Variants in REPS1 observed in about 807,000 individuals in gnomAD.
The protein encoded by REPS1 is RALBP1 associated Eps domain containing 1.
In REPS1, 39 loss-of-function variants were observed where a neutral mutation model predicts 100.9. The ratio of observed to expected loss-of-function variants is 0.39; its 90% CI spans 0.30 to 0.50. The LOEUF (loss-of-function observed/expected upper bound fraction) is 0.50. Among genes scored for constraint, REPS1 ranks in the 20% least tolerant of loss-of-function variants. The probability of loss-of-function intolerance (pLI) is 0.86; values close to 1 mark genes in which losing one functional copy is unlikely to be tolerated. For missense variants in REPS1, 821 were observed against 968.5 expected (o/e 0.85, Z 2.02); for synonymous variants, 324 against 340.3 (o/e 0.95, Z 0.53).
chr6:138,985,440 A>G (rs1785203258), intron 1 of REPS1, among the ~76,000 whole-genome samples: 1 of 152,214 alleles, frequency 6.6e-6, no homozygotes, highest in South Asian at 2.1e-4. Context: ...ACTAAGCATT[A>G]GATATGAGCT....
At chr6:138,968,598 G>A (rs1341136252) in intron 1 of REPS1, among the ~76,000 whole-genome samples, 2 of 152,076 alleles carry the variant, frequency 1.3e-5, no homozygotes, top group East Asian at 1.9e-4. Flanking sequence ...GCACTATTAT[G>A]TACTTAGTAT....
At chr6:138,956,612 C>T (rs1225726179) in intron 1 of REPS1, among the ~76,000 whole-genome samples, 1 of 152,060 alleles carries the variant, frequency 6.6e-6, no homozygotes, top group Non-Finnish European at 1.5e-5. Flanking sequence ...GAGCACCTGA[C>T]CCACCCCACC....
intron 1 of REPS1, among the ~76,000 whole-genome samples, chr6:138,952,109 T>C (rs1210876787): frequency 6.6e-6 from 1 of 152,156 alleles, no homozygotes; most frequent in East Asian, 1.9e-4. Context: ...TGTTATAAAA[T>C]GTACATGCTC....
At chr6:138,933,556 C>T (rs1443181929) in intron 8 of REPS1, among the ~76,000 whole-genome samples, 4 of 151,970 alleles carry the variant, frequency 2.6e-5, no homozygotes. Context: ...TTTTTAGACC[C>T]CTGGTATACC....
intron 8 of REPS1, among the ~76,000 whole-genome samples, chr6:138,934,541 G>A (rs1005870785): frequency 2.6e-5 from 4 of 152,136 alleles, no homozygotes; most frequent in African/African-American, 9.7e-5. Flanking sequence ...AAAGTTCCCC[G>A]ATTCAATTCA....
chr6:138,961,812 T>C (rs1783758851), intron 1 of REPS1, among the ~76,000 whole-genome samples: 1 of 152,212 alleles, frequency 6.6e-6, no homozygotes, highest in African/African-American at 2.4e-5. Flanking sequence ...CACTGTGTAC[T>C]ACACCTCCCT....
At chr6:138,948,038 A>T (rs1401960605) in intron 1 of REPS1, 125 bp from the exon 2 acceptor site, 1 of 694,078 alleles carries the variant, frequency 1.4e-6, no homozygotes, top group African/African-American at 1.9e-5. Flanking sequence ...AATACTCACA[A>T]CTGACAACCA....
intron 8 of REPS1, among the ~76,000 whole-genome samples, chr6:138,934,530 G>A (rs1265380772): frequency 6.6e-6 from 1 of 152,150 alleles, no homozygotes; most frequent in Non-Finnish European, 1.5e-5. Context: ...AAAGAATCTG[G>A]AAAGTTCCCC....
At chr6:138,952,491 C>G in intron 1 of REPS1, among the ~76,000 whole-genome samples, 1 of 152,084 alleles carries the variant, frequency 6.6e-6, no homozygotes. Flanking sequence ...CCTCCACCTC[C>G]TGGGTACAAG....
chr6:138,963,127 CTAACTAAA>C lies in REPS1; in HGVS notation c.154-15222_154-15215del, dbSNP rs1050139645. ...TATCTCGAAATAACTAACTAACTAA[CTAACTAAA>C]TAAATAAATAAATAATAAAATTACA... On this transcript the variant is annotated intron_variant, in intron 1 of 19. Transcript: ENST00000450536. Among the ~76,000 whole-genome samples, 134 of 120,788 alleles carry C rather than the reference CTAACTAAA, an allele frequency of 1.1e-3. 1 individual carries two copies. The Middle Eastern group carries it at 0.033, about 30-fold the overall frequency. The allele number at this position is 120,788 out of a possible 152,430, so 79.2% of individuals were successfully genotyped here.
chr6:138,963,537 G>A (rs1052585554), intron 1 of REPS1, among the ~76,000 whole-genome samples: 2 of 152,110 alleles, frequency 1.3e-5, no homozygotes, highest in African/African-American at 2.4e-5. Context: ...TTCTTACTTG[G>A]AAAGATCATG....
At chr6:138,935,240 A>C (rs1781731761) in intron 8 of REPS1, among the ~76,000 whole-genome samples, 1 of 152,186 alleles carries the variant, frequency 6.6e-6, no homozygotes, top group African/African-American at 2.4e-5. Context: ...TCAAAGTAAA[A>C]ATGTGTCCAA....
rs368564643 is a variant in REPS1 at position 138,930,215 on chromosome 6, T to G, written c.1136-117A>C. ...TTTTCATAAGTAGTAATATATAATC[T>G]AAATCTCCTTTCCTCATGTTCTCAG... On this transcript the variant is annotated intron_variant, in intron 8 of 19. Transcript: ENST00000450536. 8.8e-4 allele frequency: 654 copies of G among 746,610 alleles called. 4 individuals carry two copies. The highest frequency in any genetic ancestry group is 6.5e-3 in the South Asian group (313 of 48,264). The allele number at this position is 746,610 out of a possible 1,614,324, so 46.2% of individuals were successfully genotyped here.
chr6:138,942,750 C>T (rs1003693182), intron 7 of REPS1, among the ~76,000 whole-genome samples: 2 of 151,814 alleles, frequency 1.3e-5, no homozygotes, highest in Non-Finnish European at 2.9e-5. Context: ...TTTGTGTTTT[C>T]TTTTTGCTTG....
intron 7 of REPS1, among the ~76,000 whole-genome samples, chr6:138,942,561 C>G (rs1782334470): frequency 6.6e-6 from 1 of 152,064 alleles, no homozygotes; most frequent in Non-Finnish European, 1.5e-5. Flanking sequence ...CCCATGTAAG[C>G]CTCCCAAGCA....
chr6:138,979,212 T>TAAAAAAAA (rs1784792269), intron 1 of REPS1, among the ~76,000 whole-genome samples: 1 of 108,238 alleles, frequency 9.2e-6, no homozygotes, highest in Non-Finnish European at 2.0e-5. Context: ...AAAAAAAAAC[T>TAAAAAAAA]GAAGAAGTAT....
At chr6:138,980,216 A>C (rs1374586226) in intron 1 of REPS1, among the ~76,000 whole-genome samples, 2 of 152,154 alleles carry the variant, frequency 1.3e-5, no homozygotes, top group East Asian at 3.8e-4. Flanking sequence ...CCACCTCGCT[A>C]ATCTAAGCCA....
chr6:138,916,206 A>ATT, intron 13 of REPS1: 2 of 386,554 alleles, frequency 5.2e-6, no homozygotes, highest in Non-Finnish European at 9.1e-6. Flanking sequence ...ATTAAGCAAA[A>ATT]TTTCTTTTTT....
At chr6:138,909,025 C>T (rs750147847) in intron 17 of REPS1, 7 of 519,922 alleles carry the variant, frequency 1.3e-5, no homozygotes, top group Admixed American at 1.1e-4. Flanking sequence ...CATGAATGTA[C>T]CTGCAATATA....
Sources: gnomAD v4.1 joint callset for allele counts (sites outside exome capture counted in the v4.1 genomes callset) on GRCh38, gnomAD v4.1.1 for gene constraint, MANE v1.5 for transcripts, NCBI Gene and HGNC (gene_info 2026-07-23, HGNC 2026-07-21) for gene names.